Variants in SORBS2 observed in about 807,000 individuals in gnomAD.
The protein encoded by SORBS2 is sorbin and SH3 domain containing 2.
A neutral mutation model predicts 97.7 loss-of-function variants in SORBS2; 46 were observed. That is an observed-to-expected ratio of 0.47 (90% CI 0.37 to 0.60). The LOEUF (loss-of-function observed/expected upper bound fraction) is 0.60, where lower values mean the gene tolerates loss of function less well. Ranked by LOEUF, SORBS2 falls within the 20% of genes least tolerant of loss-of-function variation. The pLI is 0.00. For missense variants in SORBS2, 1,316 were observed against 1,282.3 expected (o/e 1.03, Z -0.40); for synonymous variants, 476 against 473.4 (o/e 1.01, Z -0.07).
rs187174520 is a variant in SORBS2, at chr4:185,895,950, T to A, written c.-338+60246A>T. Among the ~76,000 whole-genome samples, 7 of 152,270 alleles carry A rather than the reference T, an allele frequency of 4.6e-5. No individual in the cohort carries two copies. In the East Asian group the frequency reaches 1.3e-3, roughly 29 times the overall value. On this transcript the variant is annotated intron_variant, in intron 1 of 20. Coordinates refer to the SORBS2 transcript ENST00000284776. ...GATTAAAATTAGCCAGAGAGAATGATCAGTAAGGACCAGGAAAAGGGAGTG... is the reference window on the plus strand; with the variant it reads ...GATTAAAATTAGCCAGAGAGAATGAACAGTAAGGACCAGGAAAAGGGAGTG...
intron 1 of SORBS2, among the ~76,000 whole-genome samples, chr4:185,907,185 C>T (rs2099251475): frequency 6.6e-6 from 1 of 151,602 alleles, no homozygotes; most frequent in African/African-American, 2.4e-5. Context: ...TGTTGTCCAT[C>T]TATTCCATCA....
chr4:185,683,369 G>A lies in SORBS2; in HGVS notation c.-197-4547C>T, dbSNP rs569450072. On this transcript the variant is annotated intron_variant, in intron 2 of 20. Coordinates refer to the SORBS2 transcript ENST00000284776. ...CAGTGTGGCGTTCCCTGGTACGTGC[G>A]TCAAGGTTCACGTCTGAGTAGGTTG... Among the ~76,000 whole-genome samples the A allele has an allele frequency of 7.2e-5, 11 of 152,268 alleles. No homozygotes were observed. The South Asian group carries it at 1.2e-3, about 17-fold the overall frequency.
chr4:185,893,874 A>G (rs2099243694), intron 1 of SORBS2, among the ~76,000 whole-genome samples: 1 of 152,134 alleles, frequency 6.6e-6, no homozygotes, highest in Non-Finnish European at 1.5e-5. Flanking sequence ...GAATGGGGTA[A>G]AAGTCTCTAT....
At chr4:185,660,046 A>T (rs2097490142), upstream of SORBS2, among the ~76,000 whole-genome samples, 1 of 152,208 alleles carries the variant, frequency 6.6e-6, no homozygotes, top group Non-Finnish European at 1.5e-5. Flanking sequence ...GGCAAGGTAG[A>T]TGTACATATT....
intron 1 of SORBS2, among the ~76,000 whole-genome samples, chr4:185,930,254 T>C (rs10028167): frequency 0.051 from 7,741 of 152,228 alleles, 322 homozygotes; most frequent in African/African-American, 0.11. Flanking sequence ...GAATAAAACT[T>C]GTATCTCTAT....
intron 1 of SORBS2, among the ~76,000 whole-genome samples, chr4:185,905,312 A>G (rs1323119260): frequency 6.6e-6 from 1 of 152,168 alleles, no homozygotes; most frequent in East Asian, 1.9e-4. Context: ...AAATGTACAG[A>G]TTTGTGTATG....
At chr4:185,917,069 C>CA (rs1241223437) in intron 1 of SORBS2, among the ~76,000 whole-genome samples, 1 of 152,164 alleles carries the variant, frequency 6.6e-6, no homozygotes, top group Non-Finnish European at 1.5e-5. Flanking sequence ...GCCTATCTAA[C>CA]AAATACTCTA....
At chr4:185,879,468 T>G (rs936280083) in intron 1 of SORBS2, among the ~76,000 whole-genome samples, 1 of 152,178 alleles carries the variant, frequency 6.6e-6, no homozygotes, top group African/African-American at 2.4e-5. Flanking sequence ...TGAATAGTGC[T>G]GCAATAAACA....
intron 1 of SORBS2, among the ~76,000 whole-genome samples, chr4:185,827,090 CCAT>C (rs754301842): frequency 0.065 from 8,323 of 127,850 alleles, 318 homozygotes; most frequent in Middle Eastern, 0.095. Flanking sequence ...ACCATCATCA[CCAT>C]CATCATCACC....
chr4:185,925,249 C>G (rs553221490), intron 1 of SORBS2, among the ~76,000 whole-genome samples: 1 of 152,242 alleles, frequency 6.6e-6, no homozygotes, highest in East Asian at 1.9e-4. Flanking sequence ...GAGAATATAT[C>G]CTCTAATGCC....
intron 12 of SORBS2, among the ~76,000 whole-genome samples, chr4:185,596,734 C>T (rs1365924390): frequency 2.0e-5 from 3 of 151,898 alleles, no homozygotes; most frequent in Admixed American, 1.3e-4. Context: ...AGGGTTTCAC[C>T]ATGTTAGCCA....
chr4:185,756,325 G>C (rs2098830486), intron 2 of SORBS2, among the ~76,000 whole-genome samples: 1 of 152,112 alleles, frequency 6.6e-6, no homozygotes, highest in Non-Finnish European at 1.5e-5. Flanking sequence ...TAATTTTGCT[G>C]TTTATGTCAC....
chr4:185,603,450 C>A (rs1272458229), intron 12 of SORBS2, among the ~76,000 whole-genome samples: 1 of 152,192 alleles, frequency 6.6e-6, no homozygotes, highest in Non-Finnish European at 1.5e-5. Flanking sequence ...AAGTTCCTTT[C>A]ACGCCTAACA....
chr4:185,660,790 C>A (rs1187258634), upstream of SORBS2, among the ~76,000 whole-genome samples: 1 of 152,144 alleles, frequency 6.6e-6, no homozygotes, highest in Non-Finnish European at 1.5e-5. Flanking sequence ...GCCAGAGGAC[C>A]AGGCCTCTCC....
chr4:185,649,463 T>G lies in SORBS2; in HGVS notation c.281+4A>C, dbSNP rs1372885692. On this transcript the variant is annotated splice_donor_region_variant and intron_variant, in intron 3 of 14. Coordinates refer to ENST00000418609, the Ensembl canonical transcript of SORBS2. ...ATAGGCCACCCTGGGGGGAAATGCC[T>G]TACTTTTCTGTTGAAGACCGATCTC... is the stretch of plus-strand genomic sequence containing the variant. 6.4e-7 allele frequency: 1 copy of G among 1,568,518 alleles called. No homozygotes were observed. The highest frequency in any genetic ancestry group is 1.4e-5 in the African/African-American group (1 of 72,696).
intron 2 of SORBS2, among the ~76,000 whole-genome samples, chr4:185,691,846 G>C (rs551150844): frequency 6.6e-6 from 1 of 152,032 alleles, no homozygotes; most frequent in Admixed American, 6.5e-5. Flanking sequence ...CCGGGCTCAC[G>C]CCATTCTTCT....
intron 4 of SORBS2, among the ~76,000 whole-genome samples, chr4:185,670,002 T>G (rs577801941): frequency 8.1e-4 from 123 of 152,252 alleles, no homozygotes; most frequent in Middle Eastern, 3.4e-3. Flanking sequence ...GCAGATCACC[T>G]GAGGTCAGGA....
intron 3 of SORBS2, 105 bp downstream of exon 6, chr4:185,678,691 A>G: frequency 8.8e-7 from 1 of 1,132,284 alleles, no homozygotes; most frequent in South Asian, 1.6e-5. Context: ...TATGCATAAC[A>G]GTACATGAAA....
intron 4 of SORBS2, among the ~76,000 whole-genome samples, chr4:185,638,566 C>T (rs1242190527): frequency 1.3e-5 from 2 of 152,086 alleles, no homozygotes; most frequent in Admixed American, 6.5e-5. Context: ...GTCACTTCAT[C>T]GTCCCTGCCC....
Sources: gnomAD v4.1 joint callset for allele counts (sites outside exome capture counted in the v4.1 genomes callset) on GRCh38, gnomAD v4.1.1 for gene constraint, MANE v1.5 for transcripts, NCBI Gene and HGNC (gene_info 2026-07-23, HGNC 2026-07-21) for gene names.